The following IFRD1 variants were observed in gnomAD, a reference collection of about 807,000 sequenced individuals.
IFRD1 encodes the protein interferon related developmental regulator 1.
IFRD1 carries 35 observed loss-of-function variants against 52.9 expected under a neutral mutation model. That is an observed-to-expected ratio of 0.66 (90% CI 0.51 to 0.88). IFRD1 has a LOEUF of 0.88. IFRD1 is among the 40% of genes least tolerant of loss of function. The probability of loss-of-function intolerance (pLI) is 0.00; values close to 1 mark genes in which losing one functional copy is unlikely to be tolerated. For synonymous variants in IFRD1, 184 were observed against 188.4 expected, an observed-to-expected ratio of 0.98 and a Z score of 0.19; for missense variants, 517 against 550.8, an observed-to-expected ratio of 0.94 and a Z score of 0.61.
At chr7:112,473,507 C>T (rs1222497687) in intron 11 of IFRD1, among the ~76,000 whole-genome samples, 4 of 152,008 alleles carry the variant, frequency 2.6e-5, no homozygotes, top group African/African-American at 9.7e-5. Flanking sequence ...TCACTGCAAC[C>T]TCTGCCTCCC....
At position 112,462,050 on chromosome 7, in the gene IFRD1, A is replaced by C. The variant is rs1260231834; in HGVS notation, c.668A>C (p.Tyr223Ser). ...TTGGAAAATATCTTCACTAAATCCT[A>C]TCTCAAAGAGAAAGACACTACTGTT... ...ECLENIFTKSYLKEKDTTVIC... is the reference protein window; with the variant it reads ...ECLENIFTKSSLKEKDTTVIC... The change falls in exon 7 of 12, where the codon TAT (tyrosine) becomes TCT (serine). Residue 223 changes from tyrosine (Y) to serine (S), a missense_variant. Tyr to Ser is a moderately radical substitution (Grantham distance 144). Transcript: ENST00000403825. 3 of 1,613,210 alleles carry C rather than the reference A, an allele frequency of 1.9e-6. No homozygotes were observed. Among genetic ancestry groups the C allele is most frequent in the South Asian group, 1.1e-5 (1 of 91,062 alleles).
rs538044640 is a variant in IFRD1, at chr7:112,429,051, A to C, written c.-182+5619A>C. ...AAAGTAACTTTGACCTGTCTGTCCA[A>C]AAGCAGGAAAATAATTTACAAATGT... On this transcript the variant is annotated intron_variant, in intron 1 of 12. Transcript: ENST00000005558. 1.3e-5 allele frequency among the ~76,000 whole-genome samples: 2 copies of C among 152,324 alleles called. 1 individual carries two copies. The highest frequency in any genetic ancestry group is 4.1e-4 in the South Asian group (2 of 4,830).
chr7:112,462,579 C>T (rs765148655), intron 8 of IFRD1, among the ~76,000 whole-genome samples: 3 of 152,124 alleles, frequency 2.0e-5, no homozygotes, highest in Non-Finnish European at 2.9e-5. Flanking sequence ...CAGTGTTTGA[C>T]TGTGGTTCAT....
chr7:112,449,834 G>A (rs989296630), upstream of IFRD1, among the ~76,000 whole-genome samples: 4 of 148,258 alleles, frequency 2.7e-5, no homozygotes, highest in East Asian at 4.0e-4. Context: ...TTTGGGGGGG[G>A]GGGGGGATGG....
chr7:112,451,035 A>G (rs1795149229), intron 1 of IFRD1: 4 of 535,686 alleles, frequency 7.5e-6, no homozygotes, highest in Admixed American at 3.3e-5. Flanking sequence ...CTTGGGCCTG[A>G]GAGTGTGTCG....
chr7:112,436,942 G>C (rs1053402289), intron 1 of IFRD1, among the ~76,000 whole-genome samples: 1 of 152,132 alleles, frequency 6.6e-6, no homozygotes, highest in Non-Finnish European at 1.5e-5. Flanking sequence ...CTTGCTTAGA[G>C]TATAGGAGAT....
rs183800787 is a variant in IFRD1 at position 112,440,161 on chromosome 7, T to G, written c.-181-10347T>G. On this transcript the variant is annotated intron_variant, in intron 1 of 12. Coordinates refer to the IFRD1 transcript ENST00000005558. The stretch of plus-strand genomic sequence containing the variant: ...CCACCATGCCAAGCTAATTTTGTAT[T>G]TTTAGTAGAGATGGGGTTTCCCAAT... Among the ~76,000 whole-genome samples, 301 of 152,248 alleles carry G rather than the reference T, an allele frequency of 2.0e-3. 1 individual carries two copies. Among genetic ancestry groups the G allele is most frequent in the African/African-American group, 6.9e-3 (286 of 41,536 alleles).
At chr7:112,434,375 T>C (rs1794620751) in intron 1 of IFRD1, among the ~76,000 whole-genome samples, 2 of 152,208 alleles carry the variant, frequency 1.3e-5, no homozygotes, top group African/African-American at 4.8e-5. Context: ...GAAGGGCATT[T>C]AGGAGCCTTC....
At chr7:112,463,016 C>T (rs1056360705) in intron 8 of IFRD1, among the ~76,000 whole-genome samples, 6 of 152,230 alleles carry the variant, frequency 3.9e-5, no homozygotes, top group East Asian at 3.9e-4. Flanking sequence ...TCCTTTATCT[C>T]GGGCAAACTG....
intron 8 of IFRD1, among the ~76,000 whole-genome samples, chr7:112,465,824 AT>A (rs916599524): frequency 6.6e-6 from 1 of 152,162 alleles, no homozygotes; most frequent in South Asian, 2.1e-4. Flanking sequence ...GGCTACACAG[AT>A]TTTTTTTAAA....
At chr7:112,455,953 C>T (rs1795281274) in intron 2 of IFRD1, 49 bp from the exon 3 acceptor site, 8 of 1,452,500 alleles carry the variant, frequency 5.5e-6, no homozygotes, top group South Asian at 1.1e-5. Context: ...CTATTATTCC[C>T]TGTTTTTTTT....
chr7:112,469,819 A>G (rs886131544), intron 9 of IFRD1, among the ~76,000 whole-genome samples: 2 of 152,150 alleles, frequency 1.3e-5, no homozygotes, highest in South Asian at 2.1e-4. Context: ...AACCATTCCT[A>G]TCCCATAGTG....
Position 112,432,497 on chromosome 7 carries a change from AG to A in IFRD1, c.-182+9066del, listed in dbSNP as rs1483008673. ...CTGTCTCTGAAAAATACTGATAATC[AG>A]TTACAAAGAACATGCTAAGCACCAA... On this transcript the variant is annotated intron_variant, in intron 1 of 12. Transcript: ENST00000005558. 3.9e-5 allele frequency among the ~76,000 whole-genome samples: 6 copies of A among 152,246 alleles called. No homozygotes were observed. The South Asian group carries it at 1.0e-3, about 26-fold the overall frequency.
At chr7:112,438,330 G>T (rs182086743) in intron 1 of IFRD1, among the ~76,000 whole-genome samples, 1 of 152,148 alleles carries the variant, frequency 6.6e-6, no homozygotes, top group African/African-American at 2.4e-5. Context: ...AAAAGCAAAC[G>T]TGTAGGCAGG....
chr7:112,427,655 A>T (rs1794456119), intron 1 of IFRD1, among the ~76,000 whole-genome samples: 1 of 152,178 alleles, frequency 6.6e-6, no homozygotes, highest in South Asian at 2.1e-4. Context: ...TCTGTGTTTA[A>T]TTGCTTTCTT....
intron 1 of IFRD1, chr7:112,451,922 T>A (rs1584485598): frequency 6.7e-6 from 5 of 749,228 alleles, no homozygotes; most frequent in Non-Finnish European, 8.1e-6. Context: ...TATGGGGTTA[T>A]GTTGTTAAAG....
intron 4 of IFRD1, among the ~76,000 whole-genome samples, chr7:112,458,644 T>C (rs1368533428): frequency 1.3e-5 from 2 of 152,220 alleles, no homozygotes; most frequent in Admixed American, 1.3e-4. Flanking sequence ...TAATCGATGA[T>C]CATTTGGCTA....
intron 1 of IFRD1, among the ~76,000 whole-genome samples, chr7:112,429,339 T>C (rs996918305): frequency 6.6e-6 from 1 of 152,234 alleles, no homozygotes; most frequent in African/African-American, 2.4e-5. Context: ...GATTACACTT[T>C]AGAATTCTGT....
At chr7:112,458,176 A>C (rs1459878682) in intron 4 of IFRD1, 1 of 152,206 alleles carries the variant, frequency 6.6e-6, no homozygotes, top group Non-Finnish European at 1.5e-5. Context: ...TTTTTAATTT[A>C]TCAGGTAATA....
Sources: gnomAD v4.1 joint callset for allele counts (sites outside exome capture counted in the v4.1 genomes callset) on GRCh38, gnomAD v4.1.1 for gene constraint, MANE v1.5 for transcripts, NCBI Gene and HGNC (gene_info 2026-07-23, HGNC 2026-07-21) for gene names.